ATP2B2: variants seen among roughly 807,000 people sequenced by gnomAD.
ATP2B2 encodes the protein plasma membrane calcium-transporting ATPase 2.
In ATP2B2, 15 loss-of-function variants were observed where a neutral mutation model predicts 120.0. The observed-to-expected ratio is 0.12, with a 90% CI of 0.08 to 0.19. The LOEUF is 0.19. Ranked by LOEUF, ATP2B2 falls within the 10% of genes least tolerant of loss-of-function variation. The probability of loss-of-function intolerance (pLI) is 1.00; values close to 1 mark genes in which losing one functional copy is unlikely to be tolerated. For synonymous variants in ATP2B2, 694 were observed against 700.3 expected, an observed-to-expected ratio of 0.99 and a Z score of 0.14; for missense variants, 1,045 against 1,719.8, an observed-to-expected ratio of 0.61 and a Z score of 6.94.
chr3:10,604,126 G>A (rs867262961), intron 2 of ATP2B2, among the ~76,000 whole-genome samples: 1 of 152,078 alleles, frequency 6.6e-6, no homozygotes, highest in African/African-American at 2.4e-5. Flanking sequence ...GTGGGTCAGG[G>A]AGCTGGCAGG....
At chr3:10,379,736 G>T (rs113642449) in intron 8 of ATP2B2, among the ~76,000 whole-genome samples, 3 of 152,036 alleles carry the variant, frequency 2.0e-5, no homozygotes, top group African/African-American at 4.8e-5. Context: ...TCCCACAAAA[G>T]AAAACATGCA....
chr3:10,569,234 G>A (rs566021513), intron 2 of ATP2B2, among the ~76,000 whole-genome samples: 1 of 152,276 alleles, frequency 6.6e-6, no homozygotes, highest in South Asian at 2.1e-4. Context: ...CCTCTTTATT[G>A]AGCACCTACT....
At chr3:10,610,157 G>GTATATATATACATA (rs2069193565) in intron 2 of ATP2B2, among the ~76,000 whole-genome samples, 2 of 105,030 alleles carry the variant, frequency 1.9e-5, no homozygotes, top group South Asian at 7.6e-4. Context: ...ATATATATAT[G>GTATATATATACATA]ACAGGAAAAA....
intron 2 of ATP2B2, among the ~76,000 whole-genome samples, chr3:10,438,518 T>C (rs2063549304): frequency 6.6e-6 from 1 of 152,196 alleles, no homozygotes; most frequent in South Asian, 2.1e-4. Flanking sequence ...CTGCCTGCTC[T>C]CTCCCTTTGG....
intron 21 of ATP2B2, chr3:10,338,608 T>A: frequency 1.9e-6 from 1 of 517,002 alleles, no homozygotes; most frequent in Non-Finnish European, 3.5e-6. Context: ...TTTAATTCAT[T>A]CATTCAGAGT....
chr3:10,330,412 G>T (rs1453842895), intron 22 of ATP2B2: 3 of 152,912 alleles, frequency 2.0e-5, no homozygotes, highest in Non-Finnish European at 4.4e-5. Context: ...GAAGAGAGGT[G>T]TCCCTTCTCT....
chr3:10,660,943 A>G (rs2070762282), intron 1 of ATP2B2, among the ~76,000 whole-genome samples: 2 of 152,366 alleles, frequency 1.3e-5, no homozygotes, highest in South Asian at 2.1e-4. Context: ...CTGGTTCAAC[A>G]TACACAAATC....
chr3:10,606,876 T>A (rs2069081739), intron 2 of ATP2B2, among the ~76,000 whole-genome samples: 1 of 102,320 alleles, frequency 9.8e-6, no homozygotes, highest in African/African-American at 4.4e-5. Flanking sequence ...AATGACGGAG[T>A]CTAAACACAC....
intron 5 of ATP2B2, chr3:10,394,514 G>A (rs941703617): frequency 5.5e-5 from 26 of 471,048 alleles, no homozygotes; most frequent in Middle Eastern, 4.0e-4. Context: ...ACTACACCCC[G>A]CTGCCTCTCA....
chr3:10,630,029 C>G (rs931060005), intron 1 of ATP2B2, among the ~76,000 whole-genome samples: 1 of 152,296 alleles, frequency 6.6e-6, no homozygotes, highest in East Asian at 1.9e-4. Flanking sequence ...TCTCACTGTC[C>G]GTCCAAGGCT....
chr3:10,609,361 C>T (rs1302090840), intron 2 of ATP2B2, among the ~76,000 whole-genome samples: 1 of 152,222 alleles, frequency 6.6e-6, no homozygotes, highest in Non-Finnish European at 1.5e-5. Context: ...CCACAGCCGC[C>T]CCCACCCATG....
At position 10,347,298 on chromosome 3, in the gene ATP2B2, G is replaced by A. The variant is rs2060457908; in HGVS notation, c.2405-1161C>T. 6.6e-6 allele frequency among the ~76,000 whole-genome samples: 1 copy of A among 152,124 alleles called. No homozygotes were observed. The highest frequency in any genetic ancestry group is 1.9e-4 in the East Asian group (1 of 5,192). On this transcript the variant is annotated intron_variant, in intron 16 of 22. Coordinates refer to ENST00000360273, the MANE Select transcript of ATP2B2 (RefSeq NM_001001331.4). The surrounding 1 kb of genome is among the most constrained non-coding windows in gnomAD (Gnocchi z 5.2). ...CTGGAGGTACTCCTGTCACCCACCT[G>A]TACTGTATTTTTGGCTCAGAGGCTG...
intron 1 of ATP2B2, among the ~76,000 whole-genome samples, chr3:10,477,371 G>A (rs188203134): frequency 2.6e-4 from 40 of 152,230 alleles, no homozygotes; most frequent in East Asian, 2.1e-3. Context: ...TTTCATCTAC[G>A]TTTCTCTTTT....
chr3:10,484,739 A>G (rs776620311), intron 1 of ATP2B2, among the ~76,000 whole-genome samples: 4 of 152,176 alleles, frequency 2.6e-5, no homozygotes, highest in Non-Finnish European at 5.9e-5. Flanking sequence ...CTCCAGATGC[A>G]GAAAGAAATC....
Position 10,393,249 on chromosome 3 carries a change from G to A in ATP2B2, c.782-4847C>T, listed in dbSNP as rs115592577. On this transcript the variant is annotated intron_variant, in intron 5 of 22. Transcript: ENST00000360273. ...GGAGGTGGTCCAGTGTGATGGTAGCGGGCGGGCCGGGCCAAAGCTCAGCGC... is the reference window on the plus strand; with the variant it reads ...GGAGGTGGTCCAGTGTGATGGTAGCAGGCGGGCCGGGCCAAAGCTCAGCGC... Among the ~76,000 whole-genome samples, 35 of 152,292 alleles carry A rather than the reference G, an allele frequency of 2.3e-4. 1 individual carries two copies. Among genetic ancestry groups the A allele is most frequent in the Non-Finnish European group, 3.5e-4 (24 of 68,024 alleles).
At chr3:10,356,964 TGAGAGAGA>T (rs4040764) in intron 14 of ATP2B2, among the ~76,000 whole-genome samples, 108 of 144,452 alleles carry the variant, frequency 7.5e-4, no homozygotes, top group African/African-American at 2.3e-3. Flanking sequence ...TGTGTGTGTA[TGAGAGAGA>T]GAGAGAGAGA....
At chr3:10,704,713 A>G (rs993822554) in intron 1 of ATP2B2, among the ~76,000 whole-genome samples, 1 of 152,238 alleles carries the variant, frequency 6.6e-6, no homozygotes, top group Non-Finnish European at 1.5e-5. Flanking sequence ...TAAAGCTTCA[A>G]TAATTCCACT....
intron 1 of ATP2B2, among the ~76,000 whole-genome samples, chr3:10,647,666 G>C (rs1346171080): frequency 6.6e-6 from 1 of 152,136 alleles, no homozygotes; most frequent in Non-Finnish European, 1.5e-5. Context: ...ACTCAGACTG[G>C]GGAAGCCAAG....
chr3:10,481,512 C>T (rs889576965), intron 1 of ATP2B2, among the ~76,000 whole-genome samples: 2 of 152,186 alleles, frequency 1.3e-5, no homozygotes, highest in African/African-American at 4.8e-5. Flanking sequence ...CTTGTCATCA[C>T]GCTCTTCCCG....
Sources: gnomAD v4.1 joint callset for allele counts (sites outside exome capture counted in the v4.1 genomes callset) on GRCh38, gnomAD v4.1.1 for gene constraint, Gnocchi (gnomAD v3.1) non-coding constraint, MANE v1.5 for transcripts, NCBI Gene and HGNC (gene_info 2026-07-23, HGNC 2026-07-21) for gene names.